CHST9: variants seen among roughly 807,000 people sequenced by gnomAD.
CHST9 encodes carbohydrate sulfotransferase 9.
A neutral mutation model predicts 44.4 loss-of-function variants in CHST9; 41 were observed. The observed-to-expected ratio is 0.92, with a 90% CI of 0.72 to 1.20. The LOEUF (loss-of-function observed/expected upper bound fraction) is 1.20, where lower values mean the gene tolerates loss of function less well. Among genes scored for constraint, CHST9 ranks in the 50% most tolerant of loss-of-function variants. The pLI is 0.00. For missense variants in CHST9, 504 were observed against 516.5 expected (o/e 0.98, Z 0.23); for synonymous variants, 171 against 178.4 (o/e 0.96, Z 0.33).
intron 1 of CHST9, among the ~76,000 whole-genome samples, chr18:27,164,116 C>A (rs1359494370): frequency 6.6e-6 from 1 of 152,046 alleles, no homozygotes; most frequent in African/African-American, 2.4e-5. Flanking sequence ...GACCAGGTTG[C>A]CCCGAAGAGG....
At chr18:27,184,444 G>A (rs1309321008) in intron 1 of CHST9, among the ~76,000 whole-genome samples, 2 of 152,190 alleles carry the variant, frequency 1.3e-5, no homozygotes, top group African/African-American at 2.4e-5. Flanking sequence ...CCCTGTGAAA[G>A]TAACAGCAGC....
At chr18:27,158,439 AT>A (rs1384210775) in intron 1 of CHST9, among the ~76,000 whole-genome samples, 2 of 151,190 alleles carry the variant, frequency 1.3e-5, no homozygotes, top group African/African-American at 4.9e-5. Flanking sequence ...TGAACTCATC[AT>A]TTTTTATGGC....
chr18:26,975,721 G>C (rs2056612922), intron 4 of CHST9, among the ~76,000 whole-genome samples: 1 of 77,004 alleles, frequency 1.3e-5, no homozygotes, highest in Non-Finnish European at 2.5e-5. Context: ...GTGTGTGTGT[G>C]TGTGTATATA....
At chr18:27,156,732 A>G (rs2143913319) in intron 1 of CHST9, among the ~76,000 whole-genome samples, 1 of 152,262 alleles carries the variant, frequency 6.6e-6, no homozygotes, top group Non-Finnish European at 1.5e-5. Flanking sequence ...AAGTAGTTCA[A>G]ATTAGATTAT....
chr18:27,087,954 T>G (rs903259877), intron 2 of CHST9, among the ~76,000 whole-genome samples: 8 of 152,140 alleles, frequency 5.3e-5, no homozygotes, highest in African/African-American at 1.9e-4. Context: ...TAAAAATTCT[T>G]CATCACTTCA....
At chr18:27,036,657 T>C (rs1168109239) in intron 3 of CHST9, among the ~76,000 whole-genome samples, 1 of 152,228 alleles carries the variant, frequency 6.6e-6, no homozygotes, top group Non-Finnish European at 1.5e-5. Context: ...AATCTCTAAG[T>C]GCCTGGGACC....
At chr18:27,159,051 T>C (rs1455032731) in intron 1 of CHST9, among the ~76,000 whole-genome samples, 18 of 152,246 alleles carry the variant, frequency 1.2e-4, no homozygotes, top group South Asian at 1.0e-3. Context: ...TTCTCCCATT[T>C]TGTAGGTTGC....
At chr18:26,944,180 C>T (rs1455064797) in intron 5 of CHST9, 149 bp downstream of exon 5, 1 of 646,966 alleles carries the variant, frequency 1.5e-6, no homozygotes, top group South Asian at 2.0e-5. Flanking sequence ...CTACATATGA[C>T]CAAATATGTT....
At chr18:26,988,257 G>T (rs551931440) in intron 4 of CHST9, among the ~76,000 whole-genome samples, 1 of 152,172 alleles carries the variant, frequency 6.6e-6, no homozygotes, top group East Asian at 1.9e-4. Flanking sequence ...TCAATTAAAA[G>T]ATATTTATGT....
intron 2 of CHST9, among the ~76,000 whole-genome samples, chr18:27,053,244 A>G (rs184647742): frequency 4.4e-5 from 4 of 91,500 alleles, no homozygotes; most frequent in Non-Finnish European, 4.8e-5. Context: ...GAAGAAGAAG[A>G]AGAAGAAGAA....
chr18:26,934,712 T>A (rs898328798), intron 5 of CHST9: 7 of 152,148 alleles, frequency 4.6e-5, no homozygotes, highest in African/African-American at 1.7e-4. Context: ...TTCATACCAA[T>A]TTCCTGAGGT....
At chr18:27,006,274 C>T (rs938324225) in intron 4 of CHST9, among the ~76,000 whole-genome samples, 2 of 151,956 alleles carry the variant, frequency 1.3e-5, no homozygotes, top group Non-Finnish European at 2.9e-5. Flanking sequence ...CATCAAGTGC[C>T]CAATGATGAA....
chr18:26,972,357 CAAAAAAAAAAA>C (rs887066938), intron 4 of CHST9, among the ~76,000 whole-genome samples: 14 of 65,244 alleles, frequency 2.1e-4, no homozygotes, highest in African/African-American at 3.3e-4. Flanking sequence ...ACTCCAACTC[CAAAAAAAAAAA>C]AAAAAAAAAA....
chr18:27,051,199 G>A (rs1441957580), intron 2 of CHST9, among the ~76,000 whole-genome samples: 1 of 151,590 alleles, frequency 6.6e-6, no homozygotes, highest in Non-Finnish European at 1.5e-5. Flanking sequence ...GATCACTTGA[G>A]GCCAGCAGTT....
At chr18:27,114,070 T>C (rs897966549) in intron 2 of CHST9, among the ~76,000 whole-genome samples, 1 of 152,182 alleles carries the variant, frequency 6.6e-6, no homozygotes, top group Non-Finnish European at 1.5e-5. Context: ...CTGATGTAAA[T>C]ACAGCAGAGG....
chr18:27,054,844 G>A (rs1461457652), intron 2 of CHST9, among the ~76,000 whole-genome samples: 1 of 151,886 alleles, frequency 6.6e-6, no homozygotes, highest in Non-Finnish European at 1.5e-5. Flanking sequence ...ACACATGTAT[G>A]TTTATACACA....
chr18:27,156,978 T>C (rs1416401336), intron 1 of CHST9, among the ~76,000 whole-genome samples: 2 of 152,054 alleles, frequency 1.3e-5, no homozygotes, highest in African/African-American at 4.8e-5. Context: ...AATATAATTG[T>C]TTTGGTTATT....
chr18:26,942,125 T>A (rs1241892737), intron 5 of CHST9, among the ~76,000 whole-genome samples: 4 of 152,136 alleles, frequency 2.6e-5, no homozygotes, highest in Admixed American at 2.0e-4. Flanking sequence ...TTCAAAAATG[T>A]TTTTCAAGAG....
intron 4 of CHST9, among the ~76,000 whole-genome samples, chr18:26,976,089 A>G (rs1432548818): frequency 6.6e-6 from 1 of 151,874 alleles, no homozygotes; most frequent in Admixed American, 6.6e-5. Flanking sequence ...CTCCAAATCT[A>G]CGCTCAACAG....
Sources: gnomAD v4.1 joint callset for allele counts (sites outside exome capture counted in the v4.1 genomes callset) on GRCh38, gnomAD v4.1.1 for gene constraint, MANE v1.5 for transcripts, NCBI Gene and HGNC (gene_info 2026-07-23, HGNC 2026-07-21) for gene names.